Variants in PIEZO2 observed in about 807,000 individuals in gnomAD.
PIEZO2 encodes the protein piezo-type mechanosensitive ion channel component 2.
A neutral mutation model predicts 337.3 loss-of-function variants in PIEZO2; 172 were observed. That is an observed-to-expected ratio of 0.51 (90% CI 0.45 to 0.58). The LOEUF (loss-of-function observed/expected upper bound fraction) is 0.58, where lower values mean the gene tolerates loss of function less well. Among genes scored for constraint, PIEZO2 ranks in the 20% least tolerant of loss-of-function variants. The pLI is 0.00. For synonymous variants in PIEZO2, 1,251 were observed against 1,228.5 expected (o/e 1.02, Z -0.38); for missense variants, 3,028 against 3,391.3 (o/e 0.89, Z 2.66).
At chr18:11,010,689 A>C (rs1433436911) in intron 2 of PIEZO2, among the ~76,000 whole-genome samples, 1 of 152,184 alleles carries the variant, frequency 6.6e-6, no homozygotes, top group Non-Finnish European at 1.5e-5. Flanking sequence ...GGGATAGGCA[A>C]AGATATTCAG....
In PIEZO2 at chr18:11,080,670, C is replaced by T. The variant is rs2038706099; in HGVS notation, c.65-14448G>A. Among the ~76,000 whole-genome samples, 1 of 152,092 alleles carries T rather than the reference C, an allele frequency of 6.6e-6. No homozygotes were observed. Among genetic ancestry groups the T allele is most frequent in the African/African-American group, 2.4e-5 (1 of 41,408 alleles). ...ACTATCCTGGCCAACACGGTGAAAC[C>T]CCGTCTCTACTAAAAATACAAAAAT... On this transcript the variant is annotated intron_variant, in intron 1 of 55. Coordinates refer to ENST00000674853, the MANE Select transcript of PIEZO2 (RefSeq NM_001378183.1). The surrounding 1 kb of genome is among the most constrained non-coding windows in gnomAD (Gnocchi z 5.4).
rs2040700966 is a variant in PIEZO2 at position 11,143,006 on chromosome 18, G to A, written c.64+5519C>T. Among the ~76,000 whole-genome samples, 1 of 152,154 alleles carries A rather than the reference G, an allele frequency of 6.6e-6. No homozygotes were observed. The highest frequency in any genetic ancestry group is 2.1e-4 in the South Asian group (1 of 4,824). On this transcript the variant is annotated intron_variant, in intron 1 of 55. Coordinates refer to ENST00000674853, the MANE Select transcript of PIEZO2 (RefSeq NM_001378183.1). The surrounding 1 kb of genome is among the most constrained non-coding windows in gnomAD (Gnocchi z 4.9). ...AGACAGGAGAATGGCATGAACCCAGGAGGCGGAGCTTGCAGTGAGCCAAGA... is the reference window on the plus strand; with the variant it reads ...AGACAGGAGAATGGCATGAACCCAGAAGGCGGAGCTTGCAGTGAGCCAAGA...
At chr18:11,045,273 G>A (rs1420497591) in intron 2 of PIEZO2, among the ~76,000 whole-genome samples, 1 of 128,078 alleles carries the variant, frequency 7.8e-6, no homozygotes, top group Non-Finnish European at 1.6e-5. Flanking sequence ...TCCAGCCTGG[G>A]CGACAGAGTG....
intron 7 of PIEZO2, among the ~76,000 whole-genome samples, chr18:10,842,148 CAAAA>C (rs34809564): frequency 2.1e-4 from 15 of 70,332 alleles, no homozygotes; most frequent in Non-Finnish European, 3.8e-4. Context: ...GACTCCGTCT[CAAAA>C]AAAAAAAAAA....
chr18:10,784,658 T>C lies in PIEZO2; in HGVS notation c.2492+126A>G. The C allele has an allele frequency of 2.3e-6, 2 of 883,286 alleles. No individual in the cohort carries two copies. Among genetic ancestry groups the C allele is most frequent in the East Asian group, 5.4e-5 (2 of 37,340 alleles). 54.7% of individuals were successfully genotyped at this position (883,286 alleles called of 1,614,324 possible). On this transcript the variant is annotated intron_variant, in intron 17 of 55. Transcript: ENST00000674853. The surrounding 1 kb of genome is among the most constrained non-coding windows in gnomAD (Gnocchi z 4.5). ...TTTTCCTCTTTTTCTCACAAGCTGA[T>C]ACTCATGGAAAATTCAAGGCTGAAA...
At chr18:11,055,592 T>A (rs2037702812) in intron 2 of PIEZO2, among the ~76,000 whole-genome samples, 1 of 151,754 alleles carries the variant, frequency 6.6e-6, no homozygotes, top group African/African-American at 2.4e-5. Context: ...CTAGGGTGAA[T>A]TCTACAACTA....
At chr18:10,723,689 G>C (rs1161176355) in intron 36 of PIEZO2, among the ~76,000 whole-genome samples, 4 of 152,156 alleles carry the variant, frequency 2.6e-5, no homozygotes, top group Admixed American at 6.5e-5. Flanking sequence ...CAGTCTCTGG[G>C]GGGAGACGGG....
chr18:10,802,008 C>T (rs2039835270), intron 9 of PIEZO2, among the ~76,000 whole-genome samples: 1 of 148,618 alleles, frequency 6.7e-6, no homozygotes, highest in Non-Finnish European at 1.5e-5. Context: ...ATGGCGTGAA[C>T]CCGGGAGGCG....
In PIEZO2 at chr18:10,702,115, A is replaced by C; in HGVS notation, c.6315T>G (p.Asn2105Lys). ...ACGGTTTATCTTTGTTCACCTCCAC[A>C]TTCTTATTCCAGGGAAAGAACCCAA... is the stretch of plus-strand genomic sequence containing the variant. ...FQFGFFPWNKNVEVNKDKPYH... is the reference protein window; with the variant it reads ...FQFGFFPWNKKVEVNKDKPYH... Residue 2105 changes from asparagine (N) to lysine (K), a missense_variant, in exon 43 of 56, where the codon AAT becomes AAG. Physicochemically the swap from Asn to Lys is moderately conservative, Grantham distance 94. Transcript: ENST00000674853. The C allele has an allele frequency of 6.5e-7, 1 of 1,536,922 alleles. No homozygotes were observed. The highest frequency in any genetic ancestry group is 1.2e-5 in the South Asian group (1 of 84,008).
chr18:10,877,288 C>T lies in PIEZO2; in HGVS notation c.330-5873G>A, dbSNP rs563757882. Reference sequence around the variant, plus strand: ...ACAGATCAATGAACATTTTCTAGCACACCATTTCCCAAAAGCTGTTTCATG... The same window carrying T: ...ACAGATCAATGAACATTTTCTAGCATACCATTTCCCAAAAGCTGTTTCATG... On this transcript the variant is annotated intron_variant, in intron 4 of 55. Coordinates refer to ENST00000674853, the MANE Select transcript of PIEZO2 (RefSeq NM_001378183.1). This position sits in a 1 kb window ranked among gnomAD's most constrained non-coding sequence, Gnocchi z 5.3. Among the ~76,000 whole-genome samples the T allele has an allele frequency of 1.8e-3, 269 of 152,338 alleles. No homozygotes were observed. The highest frequency in any genetic ancestry group is 6.2e-3 in the African/African-American group (259 of 41,580).
intron 2 of PIEZO2, among the ~76,000 whole-genome samples, chr18:11,000,276 G>T (rs2035482844): frequency 6.6e-6 from 1 of 152,098 alleles, no homozygotes; most frequent in Non-Finnish European, 1.5e-5. Flanking sequence ...ATCCTTCCTT[G>T]CAAAAGCTCA....
intron 39 of PIEZO2, among the ~76,000 whole-genome samples, chr18:10,710,383 C>CT (rs1204096337): frequency 6.6e-6 from 1 of 152,062 alleles, no homozygotes; most frequent in East Asian, 1.9e-4. Context: ...GCCTGACGGG[C>CT]CCCCCCACTG....
At chr18:10,792,890 C>T (rs186096485) in intron 13 of PIEZO2, among the ~76,000 whole-genome samples, 25 of 152,352 alleles carry the variant, frequency 1.6e-4, no homozygotes, top group African/African-American at 5.8e-4. Flanking sequence ...TACATTCCCA[C>T]CAGCAGTGTG....
intron 2 of PIEZO2, among the ~76,000 whole-genome samples, chr18:11,052,857 A>G (rs778688287): frequency 6.6e-6 from 1 of 152,196 alleles, no homozygotes; most frequent in Non-Finnish European, 1.5e-5. Context: ...ATCTCCCTTA[A>G]GCATACTCAC....
intron 2 of PIEZO2, among the ~76,000 whole-genome samples, chr18:11,034,143 C>A (rs1405283688): frequency 6.6e-6 from 1 of 151,860 alleles, no homozygotes; most frequent in Non-Finnish European, 1.5e-5. Flanking sequence ...TCAATAAATT[C>A]TTATTGTGCT....
At position 10,727,046 on chromosome 18, in the gene PIEZO2, G is replaced by T; in HGVS notation, c.5029+4361C>A. 6.3e-6 allele frequency: 4 copies of T among 636,670 alleles called. No homozygotes were observed. The South Asian group carries it at 1.0e-4, about 16-fold the overall frequency. 39.4% of individuals were successfully genotyped at this position (636,670 alleles called of 1,614,324 possible). On this transcript the variant is annotated intron_variant, in intron 36 of 55. Coordinates refer to ENST00000674853, the MANE Select transcript of PIEZO2 (RefSeq NM_001378183.1). This position sits in a 1 kb window ranked among gnomAD's most constrained non-coding sequence, Gnocchi z 6.3. Reference sequence around the variant, plus strand: ...TTCCACGGTCTGGGTGTTTCTTGGGGGGTGTTGGGAGGGCAGGAGCATTCC... The same window carrying T: ...TTCCACGGTCTGGGTGTTTCTTGGGTGGTGTTGGGAGGGCAGGAGCATTCC...
chr18:10,970,124 G>T (rs1401032376), intron 3 of PIEZO2, among the ~76,000 whole-genome samples: 1 of 152,148 alleles, frequency 6.6e-6, no homozygotes, highest in East Asian at 1.9e-4. Flanking sequence ...GGGTATTTGG[G>T]AGCCCAAAGA....
At chr18:10,739,782 T>C (rs575364572) in intron 33 of PIEZO2, 164 of 152,360 alleles carry the variant, frequency 1.1e-3, no homozygotes, top group African/African-American at 3.7e-3. Context: ...TCTTTTTTTG[T>C]TGTAATGTTG....
Position 10,850,721 on chromosome 18 carries a change from T to G in PIEZO2, c.917+4632A>C, listed in dbSNP as rs1452990645. On this transcript the variant is annotated intron_variant, in intron 7 of 55. Transcript: ENST00000674853. This position sits in a 1 kb window ranked among gnomAD's most constrained non-coding sequence, Gnocchi z 4.5. ...AAATTATAAAATAGTATGTGCAATATGATTCAAAATTTGTTTGTAAAAAGT... is the reference window on the plus strand; with the variant it reads ...AAATTATAAAATAGTATGTGCAATAGGATTCAAAATTTGTTTGTAAAAAGT... Among the ~76,000 whole-genome samples the G allele has an allele frequency of 3.3e-5, 5 of 152,214 alleles. No individual in the cohort carries two copies. The highest frequency in any genetic ancestry group is 1.2e-4 in the African/African-American group (5 of 41,454).
Sources: allele counts gnomAD v4.1 joint callset (sites outside exome capture counted in the v4.1 genomes callset), GRCh38; gene constraint gnomAD v4.1.1; non-coding constraint Gnocchi (gnomAD v3.1); transcripts MANE v1.5; gene names NCBI Gene and HGNC (gene_info 2026-07-23, HGNC 2026-07-21).